VPS13B: variants seen among roughly 807,000 people sequenced by gnomAD.
The protein encoded by VPS13B is vacuolar protein sorting 13 homolog B.
VPS13B carries 285 observed loss-of-function variants against 426.4 expected under a neutral mutation model. The observed-to-expected ratio is 0.67, with a 90% CI of 0.61 to 0.74. The LOEUF is 0.74. VPS13B is among the 30% of genes least tolerant of loss of function. VPS13B has a pLI of 0.00. For missense variants in VPS13B, 4,537 were observed against 4,782.6 expected, an observed-to-expected ratio of 0.95 and a Z score of 1.51; for synonymous variants, 1,676 against 1,676.4, an observed-to-expected ratio of 1.00 and a Z score of 0.01.
chr8:99,076,767 T>TATCC (rs1181598736), intron 3 of VPS13B, among the ~76,000 whole-genome samples: 1 of 152,152 alleles, frequency 6.6e-6, no homozygotes, highest in Non-Finnish European at 1.5e-5. Flanking sequence ...GTGAGTTATT[T>TATCC]ATAGGCAGCA....
chr8:99,378,056 G>A (rs529665768), intron 19 of VPS13B, among the ~76,000 whole-genome samples: 3 of 151,498 alleles, frequency 2.0e-5, no homozygotes, highest in East Asian at 2.0e-4. Context: ...GCCTGGGGGC[G>A]CTGCAGGAGG....
At chr8:99,169,356 T>C (rs1424124677) in intron 15 of VPS13B, among the ~76,000 whole-genome samples, 1 of 152,048 alleles carries the variant, frequency 6.6e-6, no homozygotes, top group Admixed American at 6.6e-5. Context: ...GTTGTTTCTT[T>C]CTATTATGAC....
Position 99,861,715 on chromosome 8 carries a change from C to T in VPS13B, c.11045-61C>T, listed in dbSNP as rs893185712. The T allele has an allele frequency of 3.9e-6, 6 of 1,554,310 alleles. No homozygotes were observed. In the South Asian group the frequency reaches 5.9e-5, roughly 15 times the overall value. On this transcript the variant is annotated intron_variant, in intron 57 of 61. Coordinates refer to ENST00000357162, the MANE Select transcript of VPS13B (RefSeq NM_152564.5). ...GGTGCTCCCGCTGCCTCTGAAACTA[C>T]TGCCTTGGGGTCCATCATGTATGCG...
intron 16 of VPS13B, among the ~76,000 whole-genome samples, chr8:99,174,824 G>C (rs1359181197): frequency 1.3e-5 from 2 of 152,118 alleles, no homozygotes; most frequent in Non-Finnish European, 2.9e-5. Flanking sequence ...TTTAAGGAGA[G>C]AAAAATTGCT....
chr8:99,703,600 C>A (rs1232098093), intron 36 of VPS13B, among the ~76,000 whole-genome samples: 1 of 152,104 alleles, frequency 6.6e-6, no homozygotes, highest in Non-Finnish European at 1.5e-5. Flanking sequence ...GAACCCATCC[C>A]ATTCTATAGT....
intron 19 of VPS13B, among the ~76,000 whole-genome samples, chr8:99,314,077 T>C (rs1209326289): frequency 6.6e-6 from 1 of 152,166 alleles, no homozygotes; most frequent in Non-Finnish European, 1.5e-5. Context: ...ACATGTTCCT[T>C]TGGGTAGGAA....
intron 16 of VPS13B, among the ~76,000 whole-genome samples, chr8:99,172,286 G>A (rs943587609): frequency 3.3e-5 from 5 of 152,094 alleles, no homozygotes; most frequent in African/African-American, 1.2e-4. Context: ...TTGGAGTATA[G>A]AAATAGTATA....
intron 25 of VPS13B, among the ~76,000 whole-genome samples, chr8:99,484,632 G>T (rs1271163198): frequency 1.3e-5 from 2 of 152,014 alleles, no homozygotes; most frequent in Non-Finnish European, 2.9e-5. Context: ...TCATTTACTG[G>T]CTAATTTTGA....
At chr8:99,802,728 A>G (rs929552033) in intron 43 of VPS13B, among the ~76,000 whole-genome samples, 1 of 152,090 alleles carries the variant, frequency 6.6e-6, no homozygotes, top group African/African-American at 2.4e-5. Context: ...TTTTCAATTA[A>G]TCTGTTGTTA....
chr8:99,835,334 A>G lies in VPS13B; in HGVS notation c.9742+10A>G, dbSNP rs755760611. On this transcript the variant is annotated intron_variant, in intron 53 of 61. Coordinates refer to ENST00000357162, the MANE Select transcript of VPS13B (RefSeq NM_152564.5). ...AAGGAAAACATTAAAGGTATGTTTT[A>G]TACTATCGAATTTAGATAATACTAA... 29 of 1,605,314 alleles carry G rather than the reference A, an allele frequency of 1.8e-5. No individual in the cohort carries two copies. Among genetic ancestry groups the G allele is most frequent in the Non-Finnish European group, 2.2e-5 (26 of 1,172,362 alleles).
chr8:99,122,838 C>G (rs929930577), intron 8 of VPS13B, among the ~76,000 whole-genome samples: 3 of 151,916 alleles, frequency 2.0e-5, no homozygotes, highest in Admixed American at 2.0e-4. Context: ...GGGGGCCAGA[C>G]GTGGTGGCTC....
intron 30 of VPS13B, among the ~76,000 whole-genome samples, chr8:99,539,342 TATG>T (rs768436100): frequency 1.8e-4 from 27 of 152,342 alleles, no homozygotes; most frequent in Middle Eastern, 3.4e-3. Flanking sequence ...AAGAATGATG[TATG>T]ATTATAATTT....
At chr8:99,835,786 T>C (rs1379554204) in intron 54 of VPS13B, 48 bp downstream of exon 54, 1 of 1,596,226 alleles carries the variant, frequency 6.3e-7, no homozygotes, top group African/African-American at 1.3e-5. Flanking sequence ...AAATGCCCTT[T>C]TCTGAGGTTT....
chr8:99,175,273 G>A (rs80054403), intron 16 of VPS13B, among the ~76,000 whole-genome samples: 2,196 of 152,206 alleles, frequency 0.014, 23 homozygotes, highest in Middle Eastern at 0.024. Context: ...GAACAACATG[G>A]GCTTGAACTG....
chr8:99,349,866 T>C (rs1206421366), intron 19 of VPS13B, among the ~76,000 whole-genome samples: 5 of 152,144 alleles, frequency 3.3e-5, no homozygotes, highest in Non-Finnish European at 5.9e-5. Flanking sequence ...AAGTCACTTG[T>C]TTTCGGTGGA....
chr8:99,842,622 A>T (rs1031232970), intron 54 of VPS13B, among the ~76,000 whole-genome samples: 1 of 152,110 alleles, frequency 6.6e-6, no homozygotes, highest in Non-Finnish European at 1.5e-5. Context: ...TCTATTTTTT[A>T]AAAAAACAAA....
At chr8:99,869,964 T>C (rs1284118820) in intron 59 of VPS13B, among the ~76,000 whole-genome samples, 3 of 152,282 alleles carry the variant, frequency 2.0e-5, no homozygotes, top group Non-Finnish European at 4.4e-5. Context: ...CATTTGGTGC[T>C]GGCACCAGGG....
At chr8:99,155,190 A>G (rs936841180) in intron 14 of VPS13B, among the ~76,000 whole-genome samples, 3 of 152,288 alleles carry the variant, frequency 2.0e-5, no homozygotes, top group South Asian at 2.1e-4. Context: ...TAGCATGGCT[A>G]TTTTACTAAG....
intron 2 of VPS13B, among the ~76,000 whole-genome samples, chr8:99,028,369 G>T: frequency 6.6e-6 from 1 of 150,598 alleles, no homozygotes; most frequent in Non-Finnish European, 1.5e-5. Context: ...CTCCCGGATG[G>T]GGCGGCTGGC....
Sources: gnomAD v4.1 joint callset for allele counts (sites outside exome capture counted in the v4.1 genomes callset) on GRCh38, gnomAD v4.1.1 for gene constraint, MANE v1.5 for transcripts, NCBI Gene and HGNC (gene_info 2026-07-23, HGNC 2026-07-21) for gene names.